The following KCNT2 variants were observed in gnomAD, a reference collection of about 807,000 sequenced individuals.
KCNT2 encodes the protein potassium sodium-activated channel subfamily T member 2.
KCNT2 carries 67 observed loss-of-function variants against 153.8 expected under a neutral mutation model. The ratio of observed to expected loss-of-function variants is 0.44; its 90% CI spans 0.36 to 0.53. KCNT2 has a LOEUF of 0.53. KCNT2 is among the 20% of genes least tolerant of loss of function. The probability of loss-of-function intolerance (pLI) is 0.00; values close to 1 mark genes in which losing one functional copy is unlikely to be tolerated. For synonymous variants in KCNT2, 500 were observed against 458.8 expected, an observed-to-expected ratio of 1.09 and a Z score of -1.15; for missense variants, 975 against 1,354.8, an observed-to-expected ratio of 0.72 and a Z score of 4.40.
At chr1:196,469,167 C>T (rs976986874) in intron 5 of KCNT2, 99 bp from the exon 6 acceptor site, 2 of 679,420 alleles carry the variant, frequency 2.9e-6, no homozygotes, top group Admixed American at 4.9e-5. Context: ...AATAAGGATG[C>T]TTCCATTAAC....
At chr1:196,311,072 T>C (rs1427255804) in intron 21 of KCNT2, among the ~76,000 whole-genome samples, 6 of 151,846 alleles carry the variant, frequency 4.0e-5, no homozygotes, top group African/African-American at 1.4e-4. Flanking sequence ...TAAAAGATTA[T>C]CAGTTCCTCA....
intron 14 of KCNT2, among the ~76,000 whole-genome samples, 176 bp from the exon 15 acceptor site, chr1:196,342,404 TA>T (rs1209891818): frequency 2.2e-5 from 3 of 134,240 alleles, no homozygotes; most frequent in Non-Finnish European, 4.6e-5. Context: ...CAAGAGTTTC[TA>T]AAAAATTTTG....
chr1:196,503,268 G>A (rs1680847367), intron 1 of KCNT2, among the ~76,000 whole-genome samples: 1 of 151,422 alleles, frequency 6.6e-6, no homozygotes, highest in African/African-American at 2.4e-5. Flanking sequence ...AGGCCTCAAA[G>A]GTAATATAAT....
intron 22 of KCNT2, among the ~76,000 whole-genome samples, chr1:196,291,549 A>C (rs983039077): frequency 2.0e-5 from 3 of 152,132 alleles, no homozygotes; most frequent in African/African-American, 7.2e-5. Flanking sequence ...AATAAAAATT[A>C]GGGATGATTA....
chr1:196,570,789 A>T (rs1660693267), intron 1 of KCNT2, among the ~76,000 whole-genome samples: 1 of 152,108 alleles, frequency 6.6e-6, no homozygotes, highest in South Asian at 2.1e-4. Flanking sequence ...ATCTTGATGA[A>T]GATTAAAGGT....
chr1:196,458,391 TG>T (rs1676864813), intron 8 of KCNT2, among the ~76,000 whole-genome samples: 1 of 151,912 alleles, frequency 6.6e-6, no homozygotes, highest in African/African-American at 2.4e-5. Flanking sequence ...CTGTGGAGTT[TG>T]CTTCTTTACA....
At chr1:196,280,772 C>A in intron 25 of KCNT2, 88 bp downstream of exon 25, 2 of 1,255,904 alleles carry the variant, frequency 1.6e-6, no homozygotes, top group Non-Finnish European at 2.3e-6. Context: ...CTTTCTCTTG[C>A]ATTTTTTATA....
At chr1:196,351,521 A>G (rs1202961119) in intron 14 of KCNT2, among the ~76,000 whole-genome samples, 1 of 152,042 alleles carries the variant, frequency 6.6e-6, no homozygotes, top group Non-Finnish European at 1.5e-5. Context: ...TTATTGGTGT[A>G]TAAGAATGCT....
intron 14 of KCNT2, among the ~76,000 whole-genome samples, chr1:196,366,223 G>T (rs370750109): frequency 6.6e-6 from 1 of 151,198 alleles, no homozygotes; most frequent in Non-Finnish European, 1.5e-5. Context: ...GCAATGGCGC[G>T]ATCTCAGCTC....
intron 25 of KCNT2, among the ~76,000 whole-genome samples, chr1:196,280,597 C>A (rs1186541572): frequency 2.0e-5 from 3 of 152,078 alleles, no homozygotes; most frequent in African/African-American, 7.2e-5. Flanking sequence ...AACAGCTAAT[C>A]CTAGATCTAC....
chr1:196,332,785 G>GTTT lies in KCNT2; in HGVS notation c.1997+1059_1997+1061dup, dbSNP rs549603960. Reference sequence around the variant, plus strand: ...TTACAGGTAAATAAATTATTGGCTAGTTTTTTTTTTTTTTTTTAAGACAGA... The same window carrying GTTT: ...TTACAGGTAAATAAATTATTGGCTAGTTTTTTTTTTTTTTTTTTTTAAGACAGA... On this transcript the variant is annotated intron_variant, in intron 17 of 27. Transcript: ENST00000294725. 9.3e-4 allele frequency among the ~76,000 whole-genome samples: 127 copies of GTTT among 136,472 alleles called. 3 individuals are homozygous for GTTT. In the East Asian group the frequency reaches 0.024, roughly 26 times the overall value. 89.5% of individuals were successfully genotyped at this position (136,472 alleles called of 152,430 possible).
At chr1:196,420,252 T>A (rs950616446) in intron 12 of KCNT2, among the ~76,000 whole-genome samples, 3 of 152,008 alleles carry the variant, frequency 2.0e-5, no homozygotes, top group Admixed American at 6.6e-5. Context: ...TTATTTTATG[T>A]ATGTACCATA....
intron 22 of KCNT2, among the ~76,000 whole-genome samples, chr1:196,294,158 C>T (rs150745192): frequency 2.6e-5 from 4 of 152,276 alleles, no homozygotes; most frequent in African/African-American, 9.6e-5. Context: ...TAAGATATCA[C>T]CTCATACCTG....
intron 18 of KCNT2, among the ~76,000 whole-genome samples, chr1:196,327,341 C>A (rs550843802): frequency 6.6e-6 from 1 of 151,542 alleles, no homozygotes; most frequent in South Asian, 2.1e-4. Flanking sequence ...ACAAAAAACC[C>A]CTAACTGTCT....
intron 1 of KCNT2, among the ~76,000 whole-genome samples, chr1:196,584,862 G>T (rs565601653): frequency 6.6e-6 from 1 of 152,144 alleles, no homozygotes; most frequent in South Asian, 2.1e-4. Flanking sequence ...ATATTCAGGA[G>T]ACTTTGCCCA....
chr1:196,294,417 A>G lies in KCNT2; in HGVS notation c.2596-8659T>C, dbSNP rs570875616. Among the ~76,000 whole-genome samples, 585 of 152,206 alleles carry G rather than the reference A, an allele frequency of 3.8e-3. 2 individuals carry two copies. The highest frequency in any genetic ancestry group is 6.8e-3 in the Non-Finnish European group (460 of 68,022). ...CAGCCTCCCGAGTAGTTGGGATTAC[A>G]GACACGCGCCACCATACCCAGTTAA... is the stretch of plus-strand genomic sequence containing the variant. On this transcript the variant is annotated intron_variant, in intron 22 of 27. Transcript: ENST00000294725.
At chr1:196,270,051 T>C (rs2147824550) in intron 25 of KCNT2, among the ~76,000 whole-genome samples, 1 of 152,214 alleles carries the variant, frequency 6.6e-6, no homozygotes, top group East Asian at 1.9e-4. Flanking sequence ...TTCTGTTTTC[T>C]TTCACTGTGC....
At chr1:196,580,260 G>C (rs897091248) in intron 1 of KCNT2, among the ~76,000 whole-genome samples, 6 of 152,128 alleles carry the variant, frequency 3.9e-5, no homozygotes, top group Non-Finnish European at 8.8e-5. Context: ...GGAAGCCCCA[G>C]CTCAACAGAG....
chr1:196,281,346 T>C (rs1349497918), intron 24 of KCNT2, among the ~76,000 whole-genome samples: 1 of 152,190 alleles, frequency 6.6e-6, no homozygotes, highest in African/African-American at 2.4e-5. Flanking sequence ...AATAGAGCAC[T>C]GGTAATTGAC....
Sources: gnomAD v4.1 joint callset for allele counts (sites outside exome capture counted in the v4.1 genomes callset) on GRCh38, gnomAD v4.1.1 for gene constraint, MANE v1.5 for transcripts, NCBI Gene and HGNC (gene_info 2026-07-23, HGNC 2026-07-21) for gene names.